Variants in CERT1 observed in about 807,000 individuals in gnomAD.
CERT1 encodes ceramide transporter 1.
In CERT1, 31 loss-of-function variants were observed where a neutral mutation model predicts 87.9. The observed-to-expected ratio is 0.35, with a 90% confidence interval of 0.27 to 0.48. CERT1 has a LOEUF of 0.48. CERT1 is among the 20% of genes least tolerant of loss of function. The pLI, the probability that CERT1 is intolerant of heterozygous loss-of-function variation, is 0.99. For missense variants in CERT1, 487 were observed against 758.0 expected, an observed-to-expected ratio of 0.64 and a Z score of 4.20; for synonymous variants, 289 against 250.9, an observed-to-expected ratio of 1.15 and a Z score of -1.44.
intron 3 of CERT1, among the ~76,000 whole-genome samples, chr5:75,433,045 C>T (rs1335323225): frequency 6.6e-6 from 1 of 152,142 alleles, no homozygotes; most frequent in Admixed American, 6.5e-5. Flanking sequence ...CTAACCTATT[C>T]CACTGGTCAT....
intron 5 of CERT1, among the ~76,000 whole-genome samples, chr5:75,423,281 C>T (rs1320781738): frequency 1.3e-5 from 2 of 151,930 alleles, no homozygotes; most frequent in African/African-American, 2.4e-5. Context: ...TATATGTATC[C>T]TGTTTTTGTT....
At chr5:75,437,492 A>G (rs1042200411) in intron 3 of CERT1, among the ~76,000 whole-genome samples, 1 of 152,162 alleles carries the variant, frequency 6.6e-6, no homozygotes, top group Non-Finnish European at 1.5e-5. Flanking sequence ...CAGGCCAGGC[A>G]TGATGGCTCA....
chr5:75,376,010 T>C (rs1336778241), downstream of CERT1: 1 of 152,132 alleles, frequency 6.6e-6, no homozygotes, highest in Non-Finnish European at 1.5e-5. Flanking sequence ...CATATACATG[T>C]ACCCACAAAC....
chr5:75,429,390 C>T (rs776024442), intron 3 of CERT1, among the ~76,000 whole-genome samples: 1 of 151,820 alleles, frequency 6.6e-6, no homozygotes, highest in Non-Finnish European at 1.5e-5. Context: ...TTAGTAGAGA[C>T]GGGGTTTCAT....
chr5:75,488,724 C>A (rs1237529147), intron 2 of CERT1, among the ~76,000 whole-genome samples: 2 of 151,994 alleles, frequency 1.3e-5, no homozygotes, highest in Admixed American at 6.6e-5. Context: ...ATTATTTTTG[C>A]TTTTATGATT....
rs538479125 is a variant in CERT1, at chr5:75,379,825, C to T, written c.1748-352G>A. 1.1e-3 allele frequency among the ~76,000 whole-genome samples: 163 copies of T among 152,176 alleles called. No homozygotes were observed. The Middle Eastern group carries it at 0.014, about 13-fold the overall frequency. On this transcript the variant is annotated intron_variant, in intron 16 of 16. Transcript: ENST00000643780. ...GTCTCGAACTCTTGACCTCATGATC[C>T]GCCCGCCTCAGCCTCCCAAGGTGCT... is the stretch of plus-strand genomic sequence containing the variant.
Position 75,504,055 on chromosome 5 carries a change from A to C in CERT1, c.231+1927T>G, listed in dbSNP as rs535920764. Among the ~76,000 whole-genome samples the C allele has an allele frequency of 5.3e-5, 8 of 152,032 alleles. No individual in the cohort carries two copies. The East Asian group carries it at 1.2e-3, about 22-fold the overall frequency. ...TTAGAGAATAATAAAGATAAAATTT[A>C]ATTCCTCCCCATTTTTACATCAATC... On this transcript the variant is annotated intron_variant, in intron 2 of 16. Coordinates refer to ENST00000643780, the MANE Select transcript of CERT1 (RefSeq NM_001379029.1).
At chr5:75,427,675 A>G (rs548496047) in intron 3 of CERT1, among the ~76,000 whole-genome samples, 1 of 152,316 alleles carries the variant, frequency 6.6e-6, no homozygotes, top group South Asian at 2.1e-4. Context: ...TTGACAATAT[A>G]TCATATCTAT....
At chr5:75,492,236 G>A (rs1165294505) in intron 2 of CERT1, among the ~76,000 whole-genome samples, 1 of 152,056 alleles carries the variant, frequency 6.6e-6, no homozygotes, top group Non-Finnish European at 1.5e-5. Context: ...GTGTGGTGGT[G>A]CACCTGTAGT....
intron 15 of CERT1, among the ~76,000 whole-genome samples, chr5:75,381,694 T>C (rs1761593098): frequency 6.6e-6 from 1 of 152,098 alleles, no homozygotes; most frequent in African/African-American, 2.4e-5. Flanking sequence ...CTGCCCAGTG[T>C]ATGTACTGCC....
intron 8 of CERT1, among the ~76,000 whole-genome samples, chr5:75,408,297 C>T (rs1204016609): frequency 6.6e-6 from 1 of 152,148 alleles, no homozygotes; most frequent in African/African-American, 2.4e-5. Context: ...AAGTTAGTAA[C>T]TTATGTCTTT....
chr5:75,506,131 G>C lies in CERT1; in HGVS notation c.97-15C>G. 6.2e-7 allele frequency: 1 copy of C among 1,610,382 alleles called. No homozygotes were observed. The highest frequency in any genetic ancestry group is 8.5e-7 in the Non-Finnish European group (1 of 1,178,004). ...TAGTTTGTCCACTGGGAGTGGGAAG[G>C]GGAAGGGAAGAGAGAAGAAAACAAA... On this transcript the variant is annotated splice_polypyrimidine_tract_variant and intron_variant, in intron 1 of 16. Transcript: ENST00000643780.
intron 2 of CERT1, among the ~76,000 whole-genome samples, chr5:75,491,818 T>A (rs752093751): frequency 1.3e-5 from 2 of 152,188 alleles, no homozygotes; most frequent in Non-Finnish European, 2.9e-5. Flanking sequence ...GGGATGCGGC[T>A]TACCACAAGC....
intron 2 of CERT1, among the ~76,000 whole-genome samples, chr5:75,492,181 C>G (rs1035093044): frequency 2.6e-5 from 4 of 151,690 alleles, no homozygotes; most frequent in African/African-American, 9.7e-5. Flanking sequence ...CAGTCTCTAC[C>G]AAAAAACAAA....
chr5:75,397,271 CAAAGGCT>C (rs988072473), intron 11 of CERT1, among the ~76,000 whole-genome samples: 31 of 152,228 alleles, frequency 2.0e-4, no homozygotes, highest in Admixed American at 1.5e-3. Context: ...AGTACATAAT[CAAAGGCT>C]AAAACAGGAT....
intron 5 of CERT1, among the ~76,000 whole-genome samples, chr5:75,425,080 T>G (rs1763553451): frequency 6.6e-6 from 1 of 152,158 alleles, no homozygotes; most frequent in East Asian, 1.9e-4. Flanking sequence ...ATCGCGCCAC[T>G]GCACTCCAGC....
rs192805730 is a variant in CERT1, at chr5:75,436,063, C to T, written c.349-9585G>A. Among the ~76,000 whole-genome samples the T allele has an allele frequency of 2.8e-4, 43 of 152,270 alleles. No homozygotes were observed. The East Asian group carries it at 7.9e-3, about 28-fold the overall frequency. ...TTTTATTTTTTTTGAGACGGAGGAT[C>T]GCTCTGTCACACAGGCTGGAGTGCA... is the stretch of plus-strand genomic sequence containing the variant. On this transcript the variant is annotated intron_variant, in intron 3 of 16. Transcript: ENST00000643780.
At chr5:75,444,373 C>G (rs182964535) in intron 3 of CERT1, among the ~76,000 whole-genome samples, 1 of 151,924 alleles carries the variant, frequency 6.6e-6, no homozygotes, top group Non-Finnish European at 1.5e-5. Context: ...ATTTTTAATT[C>G]ATTCTGTCAG....
rs933698478 is a variant in CERT1, at chr5:75,506,314, T to C, written c.97-198A>G. Among the ~76,000 whole-genome samples the C allele has an allele frequency of 2.0e-5, 3 of 152,218 alleles. No individual in the cohort carries two copies. In the East Asian group the frequency reaches 5.8e-4, roughly 29 times the overall value. On this transcript the variant is annotated intron_variant, in intron 1 of 16. Coordinates refer to ENST00000643780, the MANE Select transcript of CERT1 (RefSeq NM_001379029.1). ...TAGATTGCATAATGATTTTCAGTAATTTTTACAATATTATAAATAAATCTG... is the reference window on the plus strand; with the variant it reads ...TAGATTGCATAATGATTTTCAGTAACTTTTACAATATTATAAATAAATCTG...
Sources: allele counts gnomAD v4.1 joint callset (sites outside exome capture counted in the v4.1 genomes callset), GRCh38; gene constraint gnomAD v4.1.1; transcripts MANE v1.5; gene names NCBI Gene and HGNC (gene_info 2026-07-23, HGNC 2026-07-21).